VWDE: variants seen among roughly 807,000 people sequenced by gnomAD.
VWDE encodes von Willebrand factor D and EGF domains.
In VWDE, 207 loss-of-function variants were observed where a neutral mutation model predicts 178.4. The observed-to-expected ratio is 1.16, with a 90% confidence interval of 1.04 to 1.30. The LOEUF is 1.30. Ranked by LOEUF, VWDE falls within the 50% of genes most tolerant of loss-of-function variation. VWDE has a pLI of 0.00. For missense variants in VWDE, 2,287 were observed against 1,901.3 expected, an observed-to-expected ratio of 1.20 and a Z score of -3.77; for synonymous variants, 738 against 651.4, an observed-to-expected ratio of 1.13 and a Z score of -2.02.
intron 20 of VWDE, 22 bp downstream of exon 20, chr7:12,344,352 A>G: frequency 6.5e-7 from 1 of 1,549,140 alleles, no homozygotes; most frequent in Non-Finnish European, 8.7e-7. Flanking sequence ...TATCATGCAA[A>G]CTAATGAATG....
At position 12,344,237 on chromosome 7, in the gene VWDE, A is replaced by G; in HGVS notation, c.4036T>C (p.Cys1346Arg). ...NHGKCIKPNICQCLPGHGGAT... is the reference protein window; with the variant it reads ...NHGKCIKPNIRQCLPGHGGAT... ...CCACCATGTCCTGGAAGACACTGAC[A>G]AATGTTAGGCTTAATACATTTTCCA... The change falls in exon 21 of 29, where the codon TGT becomes CGT. Residue 1346 changes from cysteine (C) to arginine (R), a missense_variant. Transcript: ENST00000275358. The G allele has an allele frequency of 6.4e-7, 1 of 1,551,362 alleles. No homozygotes were observed. Among genetic ancestry groups the G allele is most frequent in the Non-Finnish European group, 8.7e-7 (1 of 1,146,706 alleles).
chr7:12,349,629 A>G (rs10246862), intron 19 of VWDE, among the ~76,000 whole-genome samples: 150,117 of 151,702 alleles, frequency 0.99, 74,282 homozygotes, highest in East Asian at 1. Context: ...GAATATATGA[A>G]GTGGCCAGAA....
chr7:12,403,555 C>CAAACATCGCTT, intron 1 of VWDE, 104 bp downstream of exon 1: 1 of 1,132,936 alleles, frequency 8.8e-7, no homozygotes, highest in Admixed American at 2.8e-5. Flanking sequence ...TGCCTTAAAA[C>CAAACATCGCTT]GCACAGGGAC....
intron 28 of VWDE, among the ~76,000 whole-genome samples, chr7:12,332,557 C>T (rs1420139239): frequency 1.3e-5 from 2 of 152,108 alleles, no homozygotes; most frequent in Admixed American, 1.3e-4. Context: ...CAAATCAAAT[C>T]AAATAATATA....
At chr7:12,361,722 C>G (rs1782592807) in intron 13 of VWDE, among the ~76,000 whole-genome samples, 1 of 151,970 alleles carries the variant, frequency 6.6e-6, no homozygotes, top group Non-Finnish European at 1.5e-5. Flanking sequence ...ATGCAAATTG[C>G]TCCCAATGAA....
chr7:12,351,688 AAATTG>A lies in VWDE; in HGVS notation c.3766_3770del (p.Gln1256TyrfsTer11), dbSNP rs948427748. On this transcript the variant is annotated frameshift_variant, in exon 19 of 29. Transcript: ENST00000275358. LOFTEE classifies it high-confidence loss of function. ...TTGTGAGAACCACAGTTTGTGTAGT[AAATTG>A]ATTTACAAACTGTGTTTCAACTGTA... 1.3e-6 allele frequency: 2 copies of A among 1,547,450 alleles called. No homozygotes were observed. The highest frequency in any genetic ancestry group is 2.7e-5 in the African/African-American group (2 of 72,792).
chr7:12,365,546 G>T (rs1782812048), intron 13 of VWDE, among the ~76,000 whole-genome samples: 1 of 152,086 alleles, frequency 6.6e-6, no homozygotes, highest in African/African-American at 2.4e-5. Context: ...CTAAGAAGGT[G>T]AGCAGGAATC....
rs1782241927 is a variant in VWDE, at chr7:12,356,234, G to A, written c.3622C>T (p.Pro1208Ser). Residue 1208 changes from proline (P) to serine (S), a missense_variant, in exon 18 of 29, where the codon CCT becomes TCT. Physicochemically the swap from Pro to Ser is moderately conservative, Grantham distance 74. Coordinates refer to ENST00000275358, the MANE Select transcript of VWDE (RefSeq NM_001135924.3). Reference protein sequence around the residue: ...GSGVYLCVCLPGFHGSLCEVD... With the variant: ...GSGVYLCVCLSGFHGSLCEVD... Reference sequence around the variant, plus strand: ...TCACAAAGGCTGCCATGGAAGCCAGGCAAGCAGACACACAGGTACACTCCA... The same window carrying A: ...TCACAAAGGCTGCCATGGAAGCCAGACAAGCAGACACACAGGTACACTCCA... 6.4e-7 allele frequency: 1 copy of A among 1,551,492 alleles called. No individual in the cohort carries two copies. The highest frequency in any genetic ancestry group is 1.4e-5 in the African/African-American group (1 of 73,074).
chr7:12,399,830 CATAAA>C (rs1784817184), intron 1 of VWDE, among the ~76,000 whole-genome samples: 1 of 150,884 alleles, frequency 6.6e-6, no homozygotes, highest in South Asian at 2.1e-4. Flanking sequence ...AATAAAATAA[CATAAA>C]ATAAAAATTG....
At chr7:12,331,521 T>C (rs1325282053) in intron 28 of VWDE, among the ~76,000 whole-genome samples, 1 of 152,126 alleles carries the variant, frequency 6.6e-6, no homozygotes, top group Non-Finnish European at 1.5e-5. Flanking sequence ...CATAACACAT[T>C]GCAGTGTTTC....
chr7:12,369,952 T>C lies in VWDE; in HGVS notation c.2354A>G (p.Glu785Gly), dbSNP rs958606899. The change falls in exon 12 of 29, where the codon GAG (glutamate) becomes GGG (glycine). Residue 785 changes from glutamate (E) to glycine (G), a missense_variant. Coordinates refer to ENST00000275358, the MANE Select transcript of VWDE (RefSeq NM_001135924.3). ...GGGGAAAAACTCTTGCTGTACATCC[T>C]CAGCATGGTCCTCTGGGAAAAAATA... is the stretch of plus-strand genomic sequence containing the variant. ...LTYFFPEDHA[E>G]DVQQEFFPSW... 2 of 1,551,350 alleles carry C rather than the reference T, an allele frequency of 1.3e-6. No individual in the cohort carries two copies. Among genetic ancestry groups the C allele is most frequent in the Admixed American group, 3.9e-5 (2 of 50,954 alleles).
At chr7:12,343,901 C>T (rs73294376) in intron 21 of VWDE, among the ~76,000 whole-genome samples, 2,842 of 152,144 alleles carry the variant, frequency 0.019, 82 homozygotes, top group African/African-American at 0.065. Context: ...GAAGCTAAAA[C>T]ATTTGTAGAT....
chr7:12,379,529 G>C lies in VWDE; in HGVS notation c.827C>G (p.Pro276Arg). The change falls in exon 6 of 29, where the codon CCT (proline) becomes CGT (arginine). Residue 276 changes from proline (P) to arginine (R), a missense_variant. Coordinates refer to ENST00000275358, the MANE Select transcript of VWDE (RefSeq NM_001135924.3). ...TTCGATGGCTACACTTTGTACATGA[G>C]GATTCTCCAAGAAAAAGACAGAAGC... is the stretch of plus-strand genomic sequence containing the variant. ...CSASVFFLEN[P>R]HVQSVAIESQ... 5.2e-6 allele frequency: 8 copies of C among 1,550,152 alleles called. No individual in the cohort carries two copies. The highest frequency in any genetic ancestry group is 7.0e-6 in the Non-Finnish European group (8 of 1,146,304).
chr7:12,379,747 C>T (rs115894085), intron 5 of VWDE, among the ~76,000 whole-genome samples, 181 bp from the exon 6 acceptor site: 1,870 of 152,068 alleles, frequency 0.012, 35 homozygotes, highest in African/African-American at 0.043. Context: ...TAAAATATGA[C>T]GTATTCAAAC....
At chr7:12,387,767 T>C (rs1036900711) in intron 3 of VWDE, among the ~76,000 whole-genome samples, 1 of 152,268 alleles carries the variant, frequency 6.6e-6, no homozygotes, top group African/African-American at 2.4e-5. Flanking sequence ...ATCATCATTG[T>C]TGCTCAATCA....
At chr7:12,361,665 G>A (rs1276539077) in intron 13 of VWDE, 144 bp from the exon 14 acceptor site, 14 of 719,056 alleles carry the variant, frequency 1.9e-5, no homozygotes, top group Admixed American at 3.7e-5. Context: ...GTCACATTGG[G>A]AGTGAGTTTT....
At chr7:12,345,282 T>C (rs1781543036) in intron 19 of VWDE, among the ~76,000 whole-genome samples, 1 of 152,034 alleles carries the variant, frequency 6.6e-6, no homozygotes, top group Non-Finnish European at 1.5e-5. Flanking sequence ...CGGAAATAAG[T>C]GAACTAAGCA....
chr7:12,389,226 AGTC>A lies in VWDE; in HGVS notation c.373_375del (p.Asp125del). The A allele has an allele frequency of 6.4e-7, 1 of 1,551,732 alleles. No homozygotes were observed. Among genetic ancestry groups the A allele is most frequent in the Non-Finnish European group, 8.7e-7 (1 of 1,146,984 alleles). Reference sequence around the variant, plus strand: ...GACACTGGGATTTGAAAGAGACAGCAGTCTTTTGTAGTGCTGAACAAAAACTGC... The same window carrying A: ...GACACTGGGATTTGAAAGAGACAGCATTTTGTAGTGCTGAACAAAAACTGC... On this transcript the variant is annotated inframe_deletion, in exon 3 of 29. Transcript: ENST00000275358.
At chr7:12,340,544 ATAAT>A (rs1562462532) in intron 23 of VWDE, 127 bp from the exon 24 acceptor site, 2 of 621,082 alleles carry the variant, frequency 3.2e-6, no homozygotes, top group African/African-American at 1.9e-5. Flanking sequence ...CCCATAATGT[ATAAT>A]TAATTAGACT....
Sources: allele counts gnomAD v4.1 joint callset (sites outside exome capture counted in the v4.1 genomes callset), GRCh38; gene constraint gnomAD v4.1.1; transcripts MANE v1.5; gene names NCBI Gene and HGNC (gene_info 2026-07-23, HGNC 2026-07-21).